CFHR4: variants seen among roughly 807,000 people sequenced by gnomAD.
The protein encoded by CFHR4 is complement factor H related 4.
CFHR4 carries 64 observed loss-of-function variants against 69.3 expected under a neutral mutation model. The observed-to-expected ratio is 0.92, with a 90% CI of 0.76 to 1.14. CFHR4 has a LOEUF of 1.14. Among genes scored for constraint, CFHR4 ranks in the 50% most tolerant of loss-of-function variants. The pLI, the probability that CFHR4 is intolerant of heterozygous loss-of-function variation, is 0.00. For synonymous variants in CFHR4, 244 were observed against 237.0 expected (o/e 1.03, Z -0.27); for missense variants, 636 against 684.9 (o/e 0.93, Z 0.80).
chr1:196,898,283 G>A (rs1157501447), intron 1 of CFHR4, among the ~76,000 whole-genome samples: 1 of 151,336 alleles, frequency 6.6e-6, no homozygotes, highest in Non-Finnish European at 1.5e-5. Context: ...GTAGTGGGTG[G>A]GTACCTACGT....
chr1:196,917,638 G>T (rs1643341911), intron 9 of CFHR4, among the ~76,000 whole-genome samples: 2 of 151,124 alleles, frequency 1.3e-5, no homozygotes, highest in Admixed American at 6.6e-5. Flanking sequence ...TAGAGAGAGA[G>T]ATAATTGACA....
chr1:196,912,354 G>T (rs1658320948), intron 6 of CFHR4, among the ~76,000 whole-genome samples: 1 of 151,286 alleles, frequency 6.6e-6, no homozygotes, highest in Non-Finnish European at 1.5e-5. Flanking sequence ...CCTGGGAAAT[G>T]GCATTTGACT....
rs1038875055 is a variant in CFHR4 at position 196,897,123 on chromosome 1, G to A, written c.59-5295G>A. 5.9e-5 allele frequency among the ~76,000 whole-genome samples: 9 copies of A among 151,554 alleles called. 1 individual carries two copies. The highest frequency in any genetic ancestry group is 2.2e-4 in the African/African-American group (9 of 41,090). ...AAGAAAAAAAGAAAAGGACTGAACTGGTGAAAGCACCTTTGTCTTTCAATC... is the reference window on the plus strand; with the variant it reads ...AAGAAAAAAAGAAAAGGACTGAACTAGTGAAAGCACCTTTGTCTTTCAATC... On this transcript the variant is annotated intron_variant, in intron 1 of 9. Coordinates refer to ENST00000608469, the MANE Select transcript of CFHR4 (RefSeq NM_001201550.3).
intron 6 of CFHR4, among the ~76,000 whole-genome samples, chr1:196,911,200 A>G (rs1433740837): frequency 6.6e-6 from 1 of 151,522 alleles, no homozygotes. Flanking sequence ...TTTTATTTTT[A>G]AATAGAAGCC....
intron 1 of CFHR4, among the ~76,000 whole-genome samples, chr1:196,899,799 T>C (rs1657498994): frequency 6.6e-6 from 1 of 151,636 alleles, no homozygotes; most frequent in African/African-American, 2.4e-5. Flanking sequence ...CTGAAATTTG[T>C]GTGGAAAAGA....
intron 1 of CFHR4, among the ~76,000 whole-genome samples, chr1:196,896,709 C>A (rs1174716123): frequency 6.6e-6 from 1 of 151,370 alleles, no homozygotes; most frequent in Non-Finnish European, 1.5e-5. Context: ...TCCAAGTCAT[C>A]CCTAGAAGTT....
chr1:196,894,783 G>A (rs1312646943), intron 1 of CFHR4, among the ~76,000 whole-genome samples: 1 of 151,178 alleles, frequency 6.6e-6, no homozygotes, highest in Non-Finnish European at 1.5e-5. Context: ...CAAGTATAGT[G>A]GCTCATTCCT....
intron 1 of CFHR4, among the ~76,000 whole-genome samples, chr1:196,889,264 T>C (rs76194922): frequency 2.0e-5 from 3 of 151,550 alleles, no homozygotes; most frequent in Non-Finnish European, 2.9e-5. Context: ...CTAGTTTTAA[T>C]TGCTGTGCAA....
chr1:196,892,252 A>G (rs953647648), intron 1 of CFHR4, among the ~76,000 whole-genome samples: 2 of 151,604 alleles, frequency 1.3e-5, no homozygotes, highest in Non-Finnish European at 2.9e-5. Context: ...GTGGAGCAAT[A>G]AAATGACCAG....
At chr1:196,913,038 C>G (rs1658366089) in intron 7 of CFHR4, 116 bp downstream of exon 7, 1 of 1,532,994 alleles carries the variant, frequency 6.5e-7, no homozygotes, top group Admixed American at 2.0e-5. Context: ...GATACAAATA[C>G]TTCTAAAACC....
chr1:196,899,169 T>C (rs1261115922), intron 1 of CFHR4, among the ~76,000 whole-genome samples: 1 of 151,602 alleles, frequency 6.6e-6, no homozygotes, highest in Non-Finnish European at 1.5e-5. Flanking sequence ...TTTATTTCTA[T>C]GATGGTTCCT....
chr1:196,888,737 C>T lies in CFHR4; in HGVS notation c.58+529C>T, dbSNP rs138576715. Among the ~76,000 whole-genome samples the T allele has an allele frequency of 1.9e-3, 295 of 151,320 alleles. 15 individuals are homozygous for T. Among genetic ancestry groups the T allele is most frequent in the African/African-American group, 6.5e-3 (266 of 41,132 alleles). On this transcript the variant is annotated intron_variant, in intron 1 of 9. Transcript: ENST00000608469. ...CATTAATATGAATTTAATATTTCAA[C>T]AAGATTAGCAATATGTAAATCACAA...
At chr1:196,912,293 A>G (rs1449820496) in intron 6 of CFHR4, among the ~76,000 whole-genome samples, 1 of 151,376 alleles carries the variant, frequency 6.6e-6, no homozygotes, top group African/African-American at 2.4e-5. Flanking sequence ...GAGACAACGG[A>G]TTTACAAAAT....
chr1:196,900,569 G>A (rs2124946763), intron 1 of CFHR4, among the ~76,000 whole-genome samples: 1 of 151,290 alleles, frequency 6.6e-6, no homozygotes, highest in Admixed American at 6.6e-5. Flanking sequence ...GAAAACTAAA[G>A]TTTAAATCTC....
At chr1:196,895,139 A>T (rs1006155712) in intron 1 of CFHR4, among the ~76,000 whole-genome samples, 1 of 151,556 alleles carries the variant, frequency 6.6e-6, no homozygotes, top group African/African-American at 2.4e-5. Flanking sequence ...AGACTGAGGC[A>T]GGAGGATTGC....
chr1:196,900,719 GC>G, intron 1 of CFHR4, among the ~76,000 whole-genome samples: 1 of 151,320 alleles, frequency 6.6e-6, no homozygotes, highest in Non-Finnish European at 1.5e-5. Flanking sequence ...GATGAAATTT[GC>G]AAAGTTCAAA....
At chr1:196,917,106 T>C (rs1658685250) in intron 9 of CFHR4, among the ~76,000 whole-genome samples, 1 of 149,960 alleles carries the variant, frequency 6.7e-6, no homozygotes, top group Non-Finnish European at 1.5e-5. Context: ...AAAAGTGATA[T>C]GTACTATGTT....
intron 6 of CFHR4, among the ~76,000 whole-genome samples, chr1:196,911,965 T>G (rs959687267): frequency 6.0e-5 from 9 of 151,222 alleles, no homozygotes; most frequent in African/African-American, 2.2e-4. Context: ...TTAACATGAT[T>G]TTTCTTTCAG....
At position 196,912,932 on chromosome 1, in the gene CFHR4, T is replaced by C. The variant is rs778368144; in HGVS notation, c.1180+10T>C. On this transcript the variant is annotated intron_variant, in intron 7 of 9. Coordinates refer to ENST00000608469, the MANE Select transcript of CFHR4 (RefSeq NM_001201550.3). ...CAACCAATTTGCATTAGTAAGTGAT[T>C]TACATATTCCCATTCAGTTTCTGTC... The C allele has an allele frequency of 4.3e-6, 7 of 1,611,254 alleles. No homozygotes were observed. The highest frequency in any genetic ancestry group is 5.9e-6 in the Non-Finnish European group (7 of 1,178,726).
Sources: gnomAD v4.1 joint callset for allele counts (sites outside exome capture counted in the v4.1 genomes callset) on GRCh38, gnomAD v4.1.1 for gene constraint, MANE v1.5 for transcripts, NCBI Gene and HGNC (gene_info 2026-07-23, HGNC 2026-07-21) for gene names.